Variants in NRG1 observed in about 807,000 individuals in gnomAD.
NRG1 encodes pro-neuregulin-1, membrane-bound isoform.
In NRG1, 18 loss-of-function variants were observed where a neutral mutation model predicts 63.8. That is an observed-to-expected ratio of 0.28 (90% confidence interval 0.19 to 0.42). The LOEUF is 0.42. Among genes scored for constraint, NRG1 ranks in the 10% least tolerant of loss-of-function variants. NRG1 has a pLI of 1.00. For synonymous variants in NRG1, 302 were observed against 301.3 expected (o/e 1.00, Z -0.02); for missense variants, 762 against 814.7 (o/e 0.94, Z 0.79).
intron 1 of NRG1, among the ~76,000 whole-genome samples, chr8:32,010,527 C>T (rs1388009488): frequency 6.6e-6 from 1 of 151,888 alleles, no homozygotes; most frequent in Admixed American, 6.6e-5. Flanking sequence ...TGGTACATTA[C>T]TTTTTTTTAA....
intron 1 of NRG1, among the ~76,000 whole-genome samples, chr8:32,329,430 T>A (rs1289660069): frequency 6.6e-6 from 1 of 152,212 alleles, no homozygotes; most frequent in African/African-American, 2.4e-5. Flanking sequence ...TTAGTATCCA[T>A]TCAGAAAAGT....
chr8:32,566,381 T>C (rs913090622), intron 1 of NRG1, among the ~76,000 whole-genome samples: 1 of 151,338 alleles, frequency 6.6e-6, no homozygotes, highest in Non-Finnish European at 1.5e-5. Flanking sequence ...TTTAGTTCTC[T>C]GGGGCTAAAT....
chr8:32,113,447 C>T (rs1344879199), intron 1 of NRG1, among the ~76,000 whole-genome samples: 3 of 152,166 alleles, frequency 2.0e-5, no homozygotes, highest in Non-Finnish European at 4.4e-5. Context: ...GGCAGCCCAG[C>T]TCCTCATGCT....
intron 1 of NRG1, among the ~76,000 whole-genome samples, chr8:32,027,466 T>TTCCTTCCCTCCCTCCC (rs1491191069): frequency 5.9e-4 from 36 of 60,858 alleles, no homozygotes; most frequent in African/African-American, 2.4e-3. Context: ...CCTTCCTTCC[T>TTCCTTCCCTCCCTCCC]TCCCTCCCTC....
chr8:31,865,003 C>G (rs796128288), intron 1 of NRG1, among the ~76,000 whole-genome samples: 8 of 152,280 alleles, frequency 5.3e-5, no homozygotes, highest in African/African-American at 1.9e-4. Flanking sequence ...ACCTATACTT[C>G]TAGCATGCTT....
chr8:31,942,666 T>C (rs1327311189), intron 1 of NRG1, among the ~76,000 whole-genome samples: 2 of 152,056 alleles, frequency 1.3e-5, no homozygotes, highest in Non-Finnish European at 2.9e-5. Context: ...ATCCAGAATC[T>C]ACAAAGAATT....
intron 6 of NRG1, among the ~76,000 whole-genome samples, chr8:32,733,105 C>T (rs1824142848): frequency 6.6e-6 from 1 of 151,970 alleles, no homozygotes; most frequent in African/African-American, 2.4e-5. Flanking sequence ...CCATGCCTGG[C>T]CCATGTTTAA....
chr8:32,380,905 T>C (rs1381427270), intron 1 of NRG1, among the ~76,000 whole-genome samples: 2 of 152,238 alleles, frequency 1.3e-5, no homozygotes, highest in Non-Finnish European at 2.9e-5. Context: ...TGTCTTTTTA[T>C]AAGCTAGAAA....
intron 8 of NRG1, 109 bp downstream of exon 8, chr8:32,754,583 A>G: frequency 1.0e-6 from 1 of 956,062 alleles, no homozygotes; most frequent in South Asian, 1.4e-5. Flanking sequence ...GGATAAAAAA[A>G]AAAGGAGGGG....
chr8:32,226,764 A>AT (rs1846370985), intron 1 of NRG1, among the ~76,000 whole-genome samples: 1 of 152,112 alleles, frequency 6.6e-6, no homozygotes, highest in South Asian at 2.1e-4. Flanking sequence ...TTTGCATGCA[A>AT]TTTTTTGTCA....
chr8:32,256,762 T>A (rs1371148999), intron 1 of NRG1: 1 of 152,340 alleles, frequency 6.6e-6, no homozygotes, highest in Non-Finnish European at 1.5e-5. Context: ...GGGATGGGGA[T>A]CAGGGAGCCA....
intron 1 of NRG1, among the ~76,000 whole-genome samples, chr8:32,205,192 A>C (rs1843908645): frequency 6.6e-6 from 1 of 152,204 alleles, no homozygotes; most frequent in South Asian, 2.1e-4. Flanking sequence ...TGCAATTAAA[A>C]GTCTTTTTAA....
At position 32,415,365 on chromosome 8, in the gene NRG1, CAA is replaced by C. The variant is rs5890647; in HGVS notation, c.38-180449_38-180448del. 9.4e-3 allele frequency among the ~76,000 whole-genome samples: 1,087 copies of C among 115,276 alleles called. 4 individuals are homozygous for C. Among genetic ancestry groups the C allele is most frequent in the Non-Finnish European group, 0.011 (605 of 57,118 alleles). 75.6% of individuals were successfully genotyped at this position (115,276 alleles called of 152,430 possible). A position where few individuals can be genotyped will look rare whatever the true frequency, so the allele number is the denominator to read the frequency against. Reference sequence around the variant, plus strand: ...GAGGTTTCAGAGCAAGACTCTGTCTCAAAAAAAAAAAAAAAGAAAGAAAGAAA... The same window carrying C: ...GAGGTTTCAGAGCAAGACTCTGTCTCAAAAAAAAAAAAAGAAAGAAAGAAA... On this transcript the variant is annotated intron_variant, in intron 1 of 10. Coordinates refer to the NRG1 transcript ENST00000519301.
rs187951021 is a variant in NRG1, at chr8:32,560,458, A to T, written c.100+11632A>T. ...GGTGCCATCATGGTGCTGAGAACAT[A>T]GTCTTTGTTTTTAAGAATTTATTCA... On this transcript the variant is annotated intron_variant, in intron 1 of 11. Coordinates refer to ENST00000356819, the Ensembl canonical transcript of NRG1. Among the ~76,000 whole-genome samples the T allele has an allele frequency of 8.8e-3, 1,339 of 152,310 alleles. 10 individuals are homozygous for T. The highest frequency in any genetic ancestry group is 0.01 in the Non-Finnish European group (694 of 68,018).
chr8:32,467,092 A>T (rs934223334), intron 1 of NRG1, among the ~76,000 whole-genome samples: 2 of 152,106 alleles, frequency 1.3e-5, no homozygotes, highest in African/African-American at 4.8e-5. Flanking sequence ...CCATAAAGAC[A>T]CACATTTTTT....
exon 9 of NRG1, chr8:32,756,458 A>T: frequency 6.2e-7 from 1 of 1,613,866 alleles, no homozygotes; most frequent in Middle Eastern, 1.6e-4. Flanking sequence ...GTCTGAACGA[A>T]ACAATATGAT....
intron 1 of NRG1, chr8:32,061,536 A>ATG (rs1458129610): frequency 1.3e-5 from 2 of 151,900 alleles, no homozygotes; most frequent in Non-Finnish European, 2.9e-5. Flanking sequence ...AAATATATAT[A>ATG]CTGGTTGGTT....
At chr8:31,752,445 G>C (rs1286454137) in intron 1 of NRG1, among the ~76,000 whole-genome samples, 1 of 152,064 alleles carries the variant, frequency 6.6e-6, no homozygotes, top group Non-Finnish European at 1.5e-5. Context: ...GAAGGAAGCA[G>C]GGATGGAAGG....
chr8:32,021,369 T>A (rs187773274), intron 1 of NRG1, among the ~76,000 whole-genome samples: 9 of 152,180 alleles, frequency 5.9e-5, no homozygotes, highest in African/African-American at 2.2e-4. Flanking sequence ...GGGGAAAGTT[T>A]GCTAGGCATC....
Sources: gnomAD v4.1 joint callset for allele counts (sites outside exome capture counted in the v4.1 genomes callset) on GRCh38, gnomAD v4.1.1 for gene constraint, MANE v1.5 for transcripts, NCBI Gene and HGNC (gene_info 2026-07-23, HGNC 2026-07-21) for gene names.